KLK8: variants seen among roughly 807,000 people sequenced by gnomAD.
KLK8 encodes the protein kallikrein related peptidase 8.
KLK8 carries 18 observed loss-of-function variants against 26.7 expected under a neutral mutation model. The ratio of observed to expected loss-of-function variants is 0.67; its 90% CI spans 0.47 to 1.00. The LOEUF is 1.00. Ranked by LOEUF, KLK8 falls within the 50% of genes least tolerant of loss-of-function variation. The pLI, the probability that KLK8 is intolerant of heterozygous loss-of-function variation, is 0.00. For synonymous variants in KLK8, 137 were observed against 127.1 expected (o/e 1.08, Z -0.52); for missense variants, 301 against 331.7 (o/e 0.91, Z 0.72).
intron 5 of KLK8, among the ~76,000 whole-genome samples, chr19:50,999,543 C>A (rs2091199894): frequency 7.6e-6 from 1 of 131,888 alleles, no homozygotes; most frequent in Admixed American, 8.7e-5. Flanking sequence ...TGTGCCACTG[C>A]ACTCCAGCCT....
exon 3 of KLK8, chr19:51,001,149 G>A (rs1408396285): frequency 1.2e-6 from 2 of 1,613,464 alleles, no homozygotes; most frequent in Admixed American, 1.7e-5. Flanking sequence ...TTGGCCGCAC[G>A]AGGTCGGGGG....
intron 5 of KLK8, chr19:50,998,812 C>G (rs2091192928): frequency 6.6e-6 from 1 of 152,152 alleles, no homozygotes; most frequent in Non-Finnish European, 1.5e-5. Flanking sequence ...ATGAAGAAAA[C>G]TGATGTAACC....
chr19:50,997,977 TG>T, intron 5 of KLK8, 93 bp from the exon 5 acceptor site: 1 of 1,516,720 alleles, frequency 6.6e-7, no homozygotes, highest in Non-Finnish European at 9.0e-7. Flanking sequence ...CAGGATGTAA[TG>T]GGGGAGTTTT....
chr19:50,996,897 C>G (rs1475058849), intron 6 of KLK8, among the ~76,000 whole-genome samples: 10 of 81,824 alleles, frequency 1.2e-4, no homozygotes, highest in African/African-American at 5.5e-4. Flanking sequence ...CTTATGGACA[C>G]ACACACACAC....
intron 5 of KLK8, among the ~76,000 whole-genome samples, chr19:50,998,675 C>T (rs984532675): frequency 1.3e-5 from 2 of 152,220 alleles, no homozygotes; most frequent in African/African-American, 2.4e-5. Flanking sequence ...TTAATCCTCA[C>T]AACAGCGCTT....
At chr19:50,998,045 C>T in intron 5 of KLK8, 161 bp from the exon 5 acceptor site, 2 of 776,568 alleles carry the variant, frequency 2.6e-6, no homozygotes, top group Non-Finnish European at 4.1e-6. Context: ...CTTCTCACCA[C>T]ATTAAACGAA....
At chr19:50,997,678 C>T (rs2091182976) in intron 6 of KLK8, 73 bp downstream of exon 5, 2 of 1,564,378 alleles carry the variant, frequency 1.3e-6, no homozygotes, top group Admixed American at 1.7e-5. Flanking sequence ...ACCACCCCCA[C>T]CCCCATCCAA....
exon 7 of KLK8, chr19:50,996,211 C>T (rs758623003): frequency 3.1e-6 from 5 of 1,613,720 alleles, no homozygotes; most frequent in East Asian, 2.2e-5. Context: ...CCTCCAGAAT[C>T]GCCCTAGACA....
chr19:51,001,020 C>T, intron 3 of KLK8, 78 bp downstream of exon 2: 1 of 1,330,730 alleles, frequency 7.5e-7, no homozygotes, highest in East Asian at 2.4e-5. Flanking sequence ...ATAACCCCCG[C>T]GGCATTCCCA....
At chr19:50,999,583 CAAAAAAAAAAAAAAAAA>C (rs56988162) in intron 5 of KLK8, among the ~76,000 whole-genome samples, 1,718 of 30,058 alleles carry the variant, frequency 0.057, 40 homozygotes, top group African/African-American at 0.089. Flanking sequence ...TGTCCCCCTG[CAAAAAAAAAAAAAAAAA>C]AAAAAAAAAA....
intron 5 of KLK8, among the ~76,000 whole-genome samples, chr19:50,998,609 G>A (rs1361766396): frequency 2.0e-5 from 3 of 152,170 alleles, no homozygotes; most frequent in African/African-American, 7.2e-5. Flanking sequence ...CTTTGAGGGG[G>A]AAAAACTTCC....
At chr19:51,000,165 G>A (rs1377581536) in exon 5 of KLK8, 2 of 1,613,660 alleles carry the variant, frequency 1.2e-6, no homozygotes, top group Admixed American at 1.7e-5. Context: ...TGCTGTTGTA[G>A]CAGGGGTGTG....
intron 6 of KLK8, among the ~76,000 whole-genome samples, chr19:50,996,929 CACA>C (rs2091175367): frequency 1.3e-5 from 2 of 149,966 alleles, no homozygotes; most frequent in Admixed American, 6.7e-5. Flanking sequence ...CACACACACA[CACA>C]CACACACCAT....
At chr19:50,998,179 T>C (rs1480706289) in intron 5 of KLK8, among the ~76,000 whole-genome samples, 1 of 152,168 alleles carries the variant, frequency 6.6e-6, no homozygotes, top group African/African-American at 2.4e-5. Context: ...TGCCCCTTTA[T>C]GATACCTCTG....
At chr19:50,997,010 C>T (rs190494947) in intron 6 of KLK8, among the ~76,000 whole-genome samples, 1 of 151,730 alleles carries the variant, frequency 6.6e-6, no homozygotes. Flanking sequence ...AATCCAGAGA[C>T]TGGCTTTCAT....
chr19:50,997,666 T>C (rs201000136), intron 6 of KLK8, 85 bp downstream of exon 5: 1 of 1,497,106 alleles, frequency 6.7e-7, no homozygotes, highest in Non-Finnish European at 9.1e-7. Context: ...GGTCACTCCC[T>C]TACCACCCCC....
rs367935646 is a variant in KLK8 at position 51,000,379 on chromosome 19, C to G, written c.230+45G>C. On this transcript the variant is annotated intron_variant, in intron 4 of 6. Transcript: ENST00000600767. ...TCCTGAGTCGAAACCCCAGCCCCCT[C>G]TTTCCTTAAGCCCCAGCTGACCTCT... The G allele has an allele frequency of 8.3e-6, 13 of 1,561,520 alleles. No individual in the cohort carries two copies. The African/African-American group carries it at 1.5e-4, about 18-fold the overall frequency.
At chr19:50,996,815 T>G (rs1280479369) in intron 6 of KLK8, among the ~76,000 whole-genome samples, 3 of 151,206 alleles carry the variant, frequency 2.0e-5, no homozygotes, top group African/African-American at 7.3e-5. Context: ...AGCTGAAGTT[T>G]CCTCTGTTCC....
intron 3 of KLK8, 80 bp from the exon 3 acceptor site, chr19:51,000,663 G>A: frequency 6.3e-7 from 1 of 1,584,516 alleles, no homozygotes; most frequent in Non-Finnish European, 8.6e-7. Context: ...GGTTCAAATG[G>A]ACACACGGCA....
Sources: allele counts gnomAD v4.1 joint callset (sites outside exome capture counted in the v4.1 genomes callset), GRCh38; gene constraint gnomAD v4.1.1; transcripts MANE v1.5; gene names NCBI Gene and HGNC (gene_info 2026-07-23, HGNC 2026-07-21).